RABGAP1L: variants seen among roughly 807,000 people sequenced by gnomAD.
RABGAP1L encodes RAB GTPase activating protein 1 like.
Under a neutral mutation model 137.7 loss-of-function variants are expected in RABGAP1L, and 63 were observed. The observed-to-expected ratio is 0.46, with a 90% CI of 0.37 to 0.56. RABGAP1L has a LOEUF of 0.56. Ranked by LOEUF, RABGAP1L falls within the 20% of genes least tolerant of loss-of-function variation. The pLI is 0.00. For synonymous variants in RABGAP1L, 431 were observed against 433.7 expected (o/e 0.99, Z 0.08); for missense variants, 1,095 against 1,244.0 (o/e 0.88, Z 1.80).
At position 174,677,032 on chromosome 1, in the gene RABGAP1L, AG is replaced by A. The variant is rs1313109707; in HGVS notation, c.1825-6487del. Among the ~76,000 whole-genome samples, 8 of 152,218 alleles carry A rather than the reference AG, an allele frequency of 5.3e-5. No homozygotes were observed. In the East Asian group the frequency reaches 1.5e-3, roughly 29 times the overall value. On this transcript the variant is annotated intron_variant, in intron 14 of 25. Coordinates refer to ENST00000681986, the MANE Select transcript of RABGAP1L (RefSeq NM_001366446.1). Reference sequence around the variant, plus strand: ...TTGTCCCACTTACGGCATAAGTATCAGGGAAGTGGCCAGATGGGGTGGCTCA... The same window carrying A: ...TTGTCCCACTTACGGCATAAGTATCAGGAAGTGGCCAGATGGGGTGGCTCA...
intron 13 of RABGAP1L, among the ~76,000 whole-genome samples, chr1:174,607,583 C>T (rs1159681918): frequency 6.6e-6 from 1 of 152,186 alleles, no homozygotes; most frequent in Non-Finnish European, 1.5e-5. Flanking sequence ...TTTGTGCTCT[C>T]TGTGGCTCTC....
intron 14 of RABGAP1L, 116 bp from the exon 15 acceptor site, chr1:174,683,406 T>A: frequency 1.4e-6 from 1 of 704,634 alleles, no homozygotes; most frequent in Non-Finnish European, 2.4e-6. Flanking sequence ...GAAAGACCAG[T>A]GGAATTGTGG....
intron 19 of RABGAP1L, among the ~76,000 whole-genome samples, chr1:174,859,100 C>T (rs1649793622): frequency 6.6e-6 from 1 of 152,138 alleles, no homozygotes; most frequent in Non-Finnish European, 1.5e-5. Flanking sequence ...GTTATAAAGA[C>T]ACATGCATGC....
intron 18 of RABGAP1L, among the ~76,000 whole-genome samples, chr1:174,794,560 A>T (rs745719172): frequency 3.2e-4 from 49 of 152,232 alleles, no homozygotes; most frequent in Non-Finnish European, 6.5e-4. Flanking sequence ...AGGGCTAAGT[A>T]ACTTATTCAT....
At chr1:174,450,351 C>T (rs1461371995) in intron 13 of RABGAP1L, among the ~76,000 whole-genome samples, 1 of 152,078 alleles carries the variant, frequency 6.6e-6, no homozygotes, top group Non-Finnish European at 1.5e-5. Context: ...ATGTTTTTCA[C>T]AGCAAAGAAA....
At chr1:174,712,690 G>C (rs1358659271) in intron 17 of RABGAP1L, among the ~76,000 whole-genome samples, 1 of 152,214 alleles carries the variant, frequency 6.6e-6, no homozygotes, top group African/African-American at 2.4e-5. Context: ...CTTTCTCTAA[G>C]AAGTTTTCCC....
chr1:174,221,126 A>C lies in RABGAP1L; in HGVS notation c.293A>C (p.Lys98Thr), dbSNP rs1669720582. 5 of 1,612,702 alleles carry C rather than the reference A, an allele frequency of 3.1e-6. No homozygotes were observed. The highest frequency in any genetic ancestry group is 4.2e-6 in the Non-Finnish European group (5 of 1,179,248). Residue 98 changes from lysine (K) to threonine (T), a missense_variant, in exon 3 of 26, where the codon AAG becomes ACG. Transcript: ENST00000681986. ...GATATTCCAGCCAGCCAAACAAATAAGCCATCTCTTCAGTTAATTTTGGAT... is the reference window on the plus strand; with the variant it reads ...GATATTCCAGCCAGCCAAACAAATACGCCATCTCTTCAGTTAATTTTGGAT... ...FGDIPASQTN[K>T]PSLQLILDPS...
chr1:174,489,632 G>T (rs977477119), intron 13 of RABGAP1L, among the ~76,000 whole-genome samples: 2 of 152,080 alleles, frequency 1.3e-5, no homozygotes, highest in African/African-American at 4.8e-5. Context: ...GATTCCTCAA[G>T]GATCTAGAAC....
chr1:174,697,920 C>A (rs1679381646), intron 15 of RABGAP1L, among the ~76,000 whole-genome samples: 1 of 152,108 alleles, frequency 6.6e-6, no homozygotes, highest in African/African-American at 2.4e-5. Flanking sequence ...TTTAAAGAAT[C>A]AAAATGAAAA....
intron 19 of RABGAP1L, among the ~76,000 whole-genome samples, chr1:174,938,090 T>C (rs879827367): frequency 7.1e-5 from 10 of 141,542 alleles, no homozygotes; most frequent in Middle Eastern, 7.8e-3. Flanking sequence ...TAATTTTACA[T>C]ATGTATTCCA....
At chr1:174,472,326 A>G (rs1039635274) in intron 13 of RABGAP1L, among the ~76,000 whole-genome samples, 1 of 152,070 alleles carries the variant, frequency 6.6e-6, no homozygotes. Flanking sequence ...GGTCCATGGG[A>G]CCTAGTGGCT....
intron 19 of RABGAP1L, among the ~76,000 whole-genome samples, chr1:174,871,088 C>A (rs1248797102): frequency 6.6e-6 from 1 of 151,754 alleles, no homozygotes; most frequent in Non-Finnish European, 1.5e-5. Flanking sequence ...ATTTGTATTA[C>A]TAGATTACAA....
chr1:174,988,925 G>T, intron 25 of RABGAP1L, 87 bp downstream of exon 25: 1 of 1,213,104 alleles, frequency 8.2e-7, no homozygotes, highest in East Asian at 2.8e-5. Context: ...ACCTATCTAG[G>T]TCAGAATTGT....
At chr1:174,870,740 C>CTTT (rs796488016) in intron 19 of RABGAP1L, among the ~76,000 whole-genome samples, 2 of 141,636 alleles carry the variant, frequency 1.4e-5, no homozygotes. Flanking sequence ...ATTATAACTT[C>CTTT]TTTTTTTTTT....
chr1:174,837,361 T>C (rs1459213911), intron 19 of RABGAP1L, among the ~76,000 whole-genome samples: 1 of 152,204 alleles, frequency 6.6e-6, no homozygotes, highest in African/African-American at 2.4e-5. Context: ...ATTATGATGT[T>C]TATTGTGTAA....
intron 11 of RABGAP1L, among the ~76,000 whole-genome samples, chr1:174,328,567 C>G (rs1260053490): frequency 6.6e-6 from 1 of 152,062 alleles, no homozygotes; most frequent in African/African-American, 2.4e-5. Flanking sequence ...GTCAGGAGTT[C>G]AAGATCAGTC....
chr1:174,202,420 A>C (rs1349905631), intron 1 of RABGAP1L, among the ~76,000 whole-genome samples: 7 of 152,062 alleles, frequency 4.6e-5, no homozygotes, highest in South Asian at 2.1e-4. Flanking sequence ...AGCATTTTTT[A>C]ATGTGGTTTT....
intron 1 of RABGAP1L, among the ~76,000 whole-genome samples, chr1:174,183,420 G>A (rs911603719): frequency 3.9e-5 from 6 of 152,006 alleles, no homozygotes; most frequent in Non-Finnish European, 8.8e-5. Flanking sequence ...GCCACTGTGC[G>A]AGCCGCTGTA....
chr1:174,363,439 T>C (rs886244293), intron 11 of RABGAP1L, among the ~76,000 whole-genome samples: 2 of 152,212 alleles, frequency 1.3e-5, no homozygotes. Flanking sequence ...TTCATTTGTT[T>C]TTTCATCTCT....
Sources: gnomAD v4.1 joint callset for allele counts (sites outside exome capture counted in the v4.1 genomes callset) on GRCh38, gnomAD v4.1.1 for gene constraint, MANE v1.5 for transcripts, NCBI Gene and HGNC (gene_info 2026-07-23, HGNC 2026-07-21) for gene names.